NEO1: variants seen among roughly 807,000 people sequenced by gnomAD.
NEO1 encodes neogenin.
Under a neutral mutation model 159.7 loss-of-function variants are expected in NEO1, and 63 were observed. That is an observed-to-expected ratio of 0.39 (90% CI 0.32 to 0.49). The LOEUF (loss-of-function observed/expected upper bound fraction) is 0.49. Among genes scored for constraint, NEO1 ranks in the 20% least tolerant of loss-of-function variants. NEO1 has a pLI of 0.85. For synonymous variants in NEO1, 633 were observed against 662.0 expected (o/e 0.96, Z 0.67); for missense variants, 1,615 against 1,831.0 (o/e 0.88, Z 2.15).
intron 9 of NEO1, among the ~76,000 whole-genome samples, chr15:73,247,796 G>A (rs756238713): frequency 7.2e-5 from 11 of 152,256 alleles, no homozygotes; most frequent in Middle Eastern, 6.8e-3. Context: ...CAGGATTTGT[G>A]TATAAATTGG....
chr15:73,124,844 A>G (rs2029961639), intron 3 of NEO1, among the ~76,000 whole-genome samples: 1 of 152,190 alleles, frequency 6.6e-6, no homozygotes, highest in African/African-American at 2.4e-5. Flanking sequence ...TCTGCTGCCA[A>G]AAACACTTTC....
At chr15:73,281,790 G>T (rs2041729601) in intron 22 of NEO1, among the ~76,000 whole-genome samples, 1 of 152,164 alleles carries the variant, frequency 6.6e-6, no homozygotes, top group Non-Finnish European at 1.5e-5. Flanking sequence ...TGTGTGGTGG[G>T]ATTTGCCACA....
chr15:73,141,760 TCA>T (rs2032408788), intron 5 of NEO1, among the ~76,000 whole-genome samples: 1 of 152,236 alleles, frequency 6.6e-6, no homozygotes, highest in Non-Finnish European at 1.5e-5. Context: ...CCCTTTTCTC[TCA>T]GTCTTTGTGA....
intron 5 of NEO1, among the ~76,000 whole-genome samples, chr15:73,148,181 G>A (rs531020909): frequency 6.6e-6 from 1 of 152,066 alleles, no homozygotes; most frequent in Non-Finnish European, 1.5e-5. Flanking sequence ...CCTTAAAGGG[G>A]TATCATCAAA....
At position 73,078,566 on chromosome 15, in the gene NEO1, A is replaced by C. The variant is rs528130605; in HGVS notation, c.130+25761A>C. Reference sequence around the variant, plus strand: ...TCCTGCTAAATAAGAGGTCTAACACACAGTAAAGTGTTCTTAAAAGATTTT... The same window carrying C: ...TCCTGCTAAATAAGAGGTCTAACACCCAGTAAAGTGTTCTTAAAAGATTTT... On this transcript the variant is annotated intron_variant, in intron 1 of 28. Transcript: ENST00000261908. Among the ~76,000 whole-genome samples the C allele has an allele frequency of 5.6e-4, 86 of 152,366 alleles. 1 individual carries two copies. The highest frequency in any genetic ancestry group is 1.6e-3 in the African/African-American group (66 of 41,600).
At position 73,298,366 on chromosome 15, in the gene NEO1, C is replaced by G; in HGVS notation, c.3920C>G (p.Pro1307Arg). ...ANSTESVRNT[P>R]STDTMPASSS... ...GCTGTAGAATCCGTTCGAAATACCC[C>G]CAGCACTGACACCATGCCAGCCTCT... Residue 1307 changes from proline (P) to arginine (R), a missense_variant, in exon 27 of 29, where the codon CCC becomes CGC. Pro to Arg is a moderately radical substitution (Grantham distance 103, BLOSUM62 -2). Around this residue, in one of 3 missense-constraint regions of NEO1, gnomAD observed 471 missense variants for 498.9 expected, o/e 0.94. Coordinates refer to ENST00000261908, the MANE Select transcript of NEO1 (RefSeq NM_002499.4). 1 of 1,614,178 alleles carries G rather than the reference C, an allele frequency of 6.2e-7. No individual in the cohort carries two copies.
intron 7 of NEO1, among the ~76,000 whole-genome samples, chr15:73,179,104 A>C (rs2035450594): frequency 6.6e-6 from 1 of 152,256 alleles, no homozygotes; most frequent in African/African-American, 2.4e-5. Flanking sequence ...TATAAAGAAA[A>C]AAATCCATCC....
intron 1 of NEO1, among the ~76,000 whole-genome samples, chr15:73,104,569 T>G (rs1567202062): frequency 1.3e-5 from 2 of 152,180 alleles, no homozygotes; most frequent in African/African-American, 4.8e-5. Context: ...ATGCTAAAAT[T>G]AGAAAAAGTT....
intron 5 of NEO1, among the ~76,000 whole-genome samples, chr15:73,137,231 T>C (rs573025395): frequency 6.6e-6 from 1 of 152,250 alleles, no homozygotes; most frequent in Non-Finnish European, 1.5e-5. Context: ...GTATGCTATC[T>C]CATAGATAAT....
intron 8 of NEO1, among the ~76,000 whole-genome samples, chr15:73,238,020 C>CT: frequency 6.6e-6 from 1 of 152,130 alleles, no homozygotes; most frequent in Non-Finnish European, 1.5e-5. Context: ...CTTAGCCCCT[C>CT]GGTGACTGTC....
intron 5 of NEO1, among the ~76,000 whole-genome samples, chr15:73,168,862 T>A (rs939457602): frequency 6.6e-6 from 1 of 151,780 alleles, no homozygotes; most frequent in African/African-American, 2.4e-5. Flanking sequence ...AAATGCTTGG[T>A]TTTTATTTGT....
intron 5 of NEO1, among the ~76,000 whole-genome samples, chr15:73,158,380 G>A (rs1287623931): frequency 2.6e-5 from 4 of 151,780 alleles, no homozygotes; most frequent in African/African-American, 9.7e-5. Flanking sequence ...AGTCTTTGTA[G>A]CCAGGTGTGT....
chr15:73,232,119 C>G (rs1159079092), intron 7 of NEO1, among the ~76,000 whole-genome samples: 1 of 152,096 alleles, frequency 6.6e-6, no homozygotes, highest in Non-Finnish European at 1.5e-5. Context: ...TGTCTCTTCA[C>G]TTTTGTTGAA....
At chr15:73,149,445 A>G (rs2033196947) in intron 5 of NEO1, among the ~76,000 whole-genome samples, 3 of 152,230 alleles carry the variant, frequency 2.0e-5, no homozygotes, top group African/African-American at 4.8e-5. Flanking sequence ...ATACAATGAC[A>G]TATAGGGCAC....
chr15:73,091,270 C>G (rs2069673926), intron 1 of NEO1, among the ~76,000 whole-genome samples: 1 of 152,136 alleles, frequency 6.6e-6, no homozygotes, highest in South Asian at 2.1e-4. Context: ...ATTTGAGGTA[C>G]TATGGACATT....
At chr15:73,059,890 A>G (rs1430716983) in intron 1 of NEO1, among the ~76,000 whole-genome samples, 1 of 152,114 alleles carries the variant, frequency 6.6e-6, no homozygotes, top group Non-Finnish European at 1.5e-5. Context: ...TTTTTTGGAA[A>G]TCTGGAGATT....
chr15:73,168,641 TATA>T (rs1048430514), intron 5 of NEO1, among the ~76,000 whole-genome samples: 20 of 152,196 alleles, frequency 1.3e-4, no homozygotes, highest in African/African-American at 4.6e-4. Flanking sequence ...GAAACATTGT[TATA>T]ATATTACTTC....
chr15:73,053,950 G>T (rs894347187), intron 1 of NEO1, among the ~76,000 whole-genome samples: 3 of 152,226 alleles, frequency 2.0e-5, no homozygotes, highest in Non-Finnish European at 4.4e-5. Flanking sequence ...TTTCCTTGCA[G>T]AGTGTGTATG....
At chr15:73,234,181 A>G (rs547744926) in intron 7 of NEO1, among the ~76,000 whole-genome samples, 2 of 152,346 alleles carry the variant, frequency 1.3e-5, no homozygotes, top group African/African-American at 4.8e-5. Flanking sequence ...GCAAAGCAAG[A>G]CTGTTCAGGC....
Sources: gnomAD v4.1 joint callset for allele counts (sites outside exome capture counted in the v4.1 genomes callset) on GRCh38, gnomAD v4.1.1 for gene constraint, gnomAD v4.1.1 regional missense constraint, MANE v1.5 for transcripts, NCBI Gene and HGNC (gene_info 2026-07-23, HGNC 2026-07-21) for gene names.